CTNNB1: variants seen among roughly 807,000 people sequenced by gnomAD.
The protein encoded by CTNNB1 is catenin beta 1, also known as catenin beta-1.
CTNNB1 carries 6 observed loss-of-function variants against 82.5 expected under a neutral mutation model. The observed-to-expected ratio is 0.07, with a 90% CI of 0.04 to 0.14. CTNNB1 has a LOEUF of 0.14. CTNNB1 is among the 10% of genes least tolerant of loss of function. The pLI is 1.00. For missense variants in CTNNB1, 529 were observed against 980.4 expected (o/e 0.54, Z 6.15); for synonymous variants, 312 against 329.7 (o/e 0.95, Z 0.58).
chr3:41,237,697 CTTT>C (rs548643863), intron 13 of CTNNB1: 735 of 139,812 alleles, frequency 5.3e-3, no homozygotes, highest in South Asian at 0.015. Flanking sequence ...GGCATTTTGC[CTTT>C]TTTTTTTTTT....
At chr3:41,209,080 C>G (rs2077716897) in intron 1 of CTNNB1, among the ~76,000 whole-genome samples, 1 of 152,198 alleles carries the variant, frequency 6.6e-6, no homozygotes, top group African/African-American at 2.4e-5. Context: ...GCTTGAAATG[C>G]CTTTTCATTG....
chr3:41,209,796 A>G (rs1002912532), intron 1 of CTNNB1, among the ~76,000 whole-genome samples: 11 of 152,236 alleles, frequency 7.2e-5, no homozygotes, highest in Non-Finnish European at 1.6e-4. Context: ...GTACAACTGT[A>G]TAAGGCAGTT....
chr3:41,229,414 T>C (rs1290083218), intron 7 of CTNNB1, among the ~76,000 whole-genome samples: 2 of 152,184 alleles, frequency 1.3e-5, no homozygotes, highest in Admixed American at 1.3e-4. Context: ...ATTGTAGAGA[T>C]CTTTCACCTC....
rs1188838252 is a variant in CTNNB1, at chr3:41,225,247, G to A, written c.495+40G>A. On this transcript the variant is annotated intron_variant, in intron 4 of 14. Transcript: ENST00000349496. This position sits in a 1 kb window ranked among gnomAD's most constrained non-coding sequence, Gnocchi z 5.3. The stretch of plus-strand genomic sequence containing the variant: ...AGCTAGCTTTTTAGTCTGCTTTGAA[G>A]TAAATGCTCAAGGGGAGTAGTTTCA... 3.1e-6 allele frequency: 5 copies of A among 1,613,894 alleles called. No individual in the cohort carries two copies. The African/African-American group carries it at 6.7e-5, about 22-fold the overall frequency.
intron 1 of CTNNB1, among the ~76,000 whole-genome samples, chr3:41,207,512 C>A (rs144578839): frequency 1.9e-3 from 285 of 152,296 alleles, no homozygotes; most frequent in African/African-American, 6.6e-3. Flanking sequence ...CACCTTGTTA[C>A]CATCAGATTT....
chr3:41,203,289 A>G (rs1415071777), intron 1 of CTNNB1, among the ~76,000 whole-genome samples: 1 of 151,970 alleles, frequency 6.6e-6, no homozygotes, highest in Non-Finnish European at 1.5e-5. Flanking sequence ...CAACTAAGAA[A>G]CCTTTGATTT....
At chr3:41,234,473 A>C (rs1432844507) in intron 10 of CTNNB1, 176 bp downstream of exon 10, 2 of 689,252 alleles carry the variant, frequency 2.9e-6, no homozygotes, top group African/African-American at 1.8e-5. Context: ...AATAAGGCAT[A>C]GTGTGGCCCC....
chr3:41,235,674 A>G (rs779753792), intron 10 of CTNNB1, 50 bp from the exon 11 acceptor site: 6 of 1,613,582 alleles, frequency 3.7e-6, no homozygotes, highest in Admixed American at 1.7e-5. Flanking sequence ...TTGTTCCTCA[A>G]ACTTTACAGA....
intron 1 of CTNNB1, chr3:41,200,061 T>TG (rs1166580875): frequency 4.9e-4 from 1 of 2,028 alleles, no homozygotes; most frequent in Non-Finnish European, 9.5e-4. Flanking sequence ...GGGCCCTGGG[T>TG]GGGGGGCGGG....
intron 14 of CTNNB1, among the ~76,000 whole-genome samples, chr3:41,238,927 T>G (rs1575339038): frequency 6.6e-6 from 1 of 152,332 alleles, no homozygotes; most frequent in Non-Finnish European, 1.5e-5. Context: ...TAGATGTTAT[T>G]TGTGTAGTCT....
intron 1 of CTNNB1, among the ~76,000 whole-genome samples, chr3:41,203,629 A>G (rs985667370): frequency 6.6e-6 from 1 of 152,204 alleles, no homozygotes; most frequent in Non-Finnish European, 1.5e-5. Flanking sequence ...AGATAGAAAT[A>G]AAGGTAATTG....
intron 14 of CTNNB1, 21 bp downstream of exon 14, chr3:41,238,097 G>C (rs180741234): frequency 7.3e-5 from 117 of 1,604,012 alleles, no homozygotes; most frequent in Non-Finnish European, 9.6e-5. Flanking sequence ...CATATTTCTC[G>C]ATTAACTCCA....
At chr3:41,238,453 T>TA (rs2078492575) in intron 14 of CTNNB1, 1 of 222,534 alleles carries the variant, frequency 4.5e-6, no homozygotes, top group Non-Finnish European at 9.0e-6. Flanking sequence ...CGGGTGGGTT[T>TA]TTACATAGTT....
intron 7 of CTNNB1, among the ~76,000 whole-genome samples, chr3:41,229,914 AAC>A (rs2078268120): frequency 7.8e-6 from 1 of 128,580 alleles, no homozygotes; most frequent in South Asian, 2.4e-4. Context: ...GTGTCATGAA[AAC>A]AGTTACTTTT....
intron 7 of CTNNB1, among the ~76,000 whole-genome samples, 173 bp downstream of exon 7, chr3:41,227,525 T>G (rs979765240): frequency 1.3e-5 from 2 of 152,198 alleles, no homozygotes; most frequent in Non-Finnish European, 2.9e-5. Flanking sequence ...AGCTAAATAT[T>G]TAAGGCTAGT....
chr3:41,237,505 A>G (rs2125649390), intron 13 of CTNNB1: 1 of 148,500 alleles, frequency 6.7e-6, no homozygotes, highest in African/African-American at 2.5e-5. Context: ...TTGGGTTTTT[A>G]ATAGGCATCT....
chr3:41,210,669 CTTTTTT>C (rs937377743), intron 1 of CTNNB1, among the ~76,000 whole-genome samples: 3 of 147,266 alleles, frequency 2.0e-5, no homozygotes, highest in African/African-American at 7.5e-5. Flanking sequence ...TTATAGTTAA[CTTTTTT>C]TTTTTAAGAA....
chr3:41,217,391 T>C (rs1253017807), intron 1 of CTNNB1, among the ~76,000 whole-genome samples: 4 of 152,254 alleles, frequency 2.6e-5, no homozygotes, highest in Non-Finnish European at 4.4e-5. Flanking sequence ...TGTATGATCT[T>C]GTTGACTCTC....
chr3:41,237,286 G>A (rs1274636826), intron 13 of CTNNB1: 4 of 160,702 alleles, frequency 2.5e-5, no homozygotes, highest in Admixed American at 1.2e-4. Flanking sequence ...TCTTGAGACC[G>A]GAGTTTAAGA....
Sources: gnomAD v4.1 joint callset for allele counts (sites outside exome capture counted in the v4.1 genomes callset) on GRCh38, gnomAD v4.1.1 for gene constraint, Gnocchi (gnomAD v3.1) non-coding constraint, MANE v1.5 for transcripts, NCBI Gene and HGNC (gene_info 2026-07-23, HGNC 2026-07-21) for gene names.